The following PDCD10 variants were observed in gnomAD, a reference collection of about 807,000 sequenced individuals.
The protein encoded by PDCD10 is programmed cell death protein 10.
Under a neutral mutation model 29.2 loss-of-function variants are expected in PDCD10, and 4 were observed. That is an observed-to-expected ratio of 0.14 (90% CI 0.07 to 0.31). PDCD10 has a LOEUF of 0.31. PDCD10 is among the 10% of genes least tolerant of loss of function. The pLI is 1.00. For missense variants in PDCD10, 183 were observed against 257.9 expected, an observed-to-expected ratio of 0.71 and a Z score of 1.99; for synonymous variants, 70 against 82.2, an observed-to-expected ratio of 0.85 and a Z score of 0.80.
At chr3:167,725,767 A>ATT (rs1178926028) in intron 2 of PDCD10, among the ~76,000 whole-genome samples, 2 of 10,270 alleles carry the variant, frequency 1.9e-4, no homozygotes, top group Non-Finnish European at 3.7e-4. Flanking sequence ...TATCGTTTAT[A>ATT]TATATATATA....
chr3:167,732,187 T>C (rs145580246), intron 2 of PDCD10, among the ~76,000 whole-genome samples: 57 of 152,296 alleles, frequency 3.7e-4, no homozygotes, highest in African/African-American at 1.3e-3. Flanking sequence ...AGTCAGAAGA[T>C]CTCGATTTTG....
rs541184260 is a variant in PDCD10, at chr3:167,733,222, A to G, written c.-117+992T>C. Among the ~76,000 whole-genome samples, 17 of 152,354 alleles carry G rather than the reference A, an allele frequency of 1.1e-4. 1 individual carries two copies. In the East Asian group the frequency reaches 3.1e-3, roughly 28 times the overall value. ...AAGCTATGATTTATTACATGTTAAG[A>G]GTAAGCCATGATTTATTACATGCTA... On this transcript the variant is annotated intron_variant, in intron 2 of 8. Transcript: ENST00000392750.
intron 8 of PDCD10, among the ~76,000 whole-genome samples, chr3:167,686,537 T>A (rs1719644461): frequency 6.6e-6 from 1 of 152,194 alleles, no homozygotes; most frequent in African/African-American, 2.4e-5. Context: ...GTGACTCTAA[T>A]GCACAGAAAG....
chr3:167,713,653 C>A (rs1294406917), intron 3 of PDCD10, among the ~76,000 whole-genome samples: 2 of 151,560 alleles, frequency 1.3e-5, no homozygotes, highest in Admixed American at 6.6e-5. Context: ...AAAATTGACA[C>A]AACTTTAAAC....
At chr3:167,685,970 ACT>A (rs895584249) in intron 8 of PDCD10, among the ~76,000 whole-genome samples, 43 of 152,204 alleles carry the variant, frequency 2.8e-4, no homozygotes, top group African/African-American at 8.9e-4. Context: ...GTTAAAAATG[ACT>A]CTGAAAATTA....
chr3:167,695,558 T>C (rs1489774222), intron 6 of PDCD10, 38 bp downstream of exon 6: 2 of 1,599,492 alleles, frequency 1.3e-6, no homozygotes, highest in Middle Eastern at 1.7e-4. Context: ...TCGGAAGTAC[T>C]TTTAAGAAAA....
At chr3:167,717,578 T>A (rs1220945912) in intron 3 of PDCD10, among the ~76,000 whole-genome samples, 1 of 151,948 alleles carries the variant, frequency 6.6e-6, no homozygotes, top group Non-Finnish European at 1.5e-5. Flanking sequence ...TGATTAGGTA[T>A]CTTATTTATA....
chr3:167,726,029 C>T (rs1205571755), intron 2 of PDCD10, among the ~76,000 whole-genome samples: 1 of 150,312 alleles, frequency 6.7e-6, no homozygotes, highest in East Asian at 2.0e-4. Context: ...GGATCTTCAA[C>T]TTGGTGCTGC....
Position 167,704,867 on chromosome 3 carries a change from T to A in PDCD10, c.125A>T (p.Gln42Leu), listed in dbSNP as rs1169318858. 6.2e-7 allele frequency: 1 copy of A among 1,608,532 alleles called. No individual in the cohort carries two copies. The highest frequency in any genetic ancestry group is 8.5e-7 in the Non-Finnish European group (1 of 1,175,272). ...CTTGATGAAAGCGGCTCTCAGTGTC[T>A]GGGCTGCAGACAGATTTACTCGTTC... The part of the protein sequence containing the change: ...ELERVNLSAA[Q>L]TLRAAFIKAE... Residue 42 changes from glutamine (Q) to leucine (L), a missense_variant, in exon 4 of 9, where the codon CAG becomes CTG. By Grantham distance (113) the Gln-to-Leu change is moderately radical. Coordinates refer to ENST00000392750, the MANE Select transcript of PDCD10 (RefSeq NM_007217.4).
At chr3:167,711,420 C>T (rs1334026227) in intron 3 of PDCD10, among the ~76,000 whole-genome samples, 1 of 152,108 alleles carries the variant, frequency 6.6e-6, no homozygotes, top group African/African-American at 2.4e-5. Context: ...TAGCAGAATG[C>T]ATCAAGTGAA....
chr3:167,713,299 A>T (rs1294926586), intron 3 of PDCD10, among the ~76,000 whole-genome samples: 1 of 152,116 alleles, frequency 6.6e-6, no homozygotes, highest in Non-Finnish European at 1.5e-5. Context: ...AAACTATACA[A>T]ACACAAGGAA....
rs1719274060 is a variant in PDCD10 at position 167,683,532 on chromosome 3, T to G, written c.*776A>C. The G allele has an allele frequency of 6.6e-6, 1 of 151,912 alleles. No individual in the cohort carries two copies. The highest frequency in any genetic ancestry group is 1.5e-5 in the Non-Finnish European group (1 of 67,896). The allele number at this position is 151,912 out of a possible 1,614,324, so 9.4% of individuals were successfully genotyped here. A position where few individuals can be genotyped will look rare whatever the true frequency, so the allele number is the denominator to read the frequency against. On this transcript the variant is annotated 3_prime_UTR_variant, in exon 9 of 9. Transcript: ENST00000392750. ...TTGTGCAAAGCTTATGAGGGCCCAG[T>G]ATACGAAAGGCTTAATTTTTAAGAG...
Position 167,694,766 on chromosome 3 carries a change from C to T in PDCD10, c.395+830G>A, listed in dbSNP as rs550637550. On this transcript the variant is annotated intron_variant, in intron 6 of 8. Transcript: ENST00000392750. The stretch of plus-strand genomic sequence containing the variant: ...CCCAAACTCCAAAAGATGAATGTTA[C>T]TATTTATTCCAAGTGAGTCTCCTTA... The T allele has an allele frequency of 1.0e-3, 155 of 152,554 alleles. 1 individual carries two copies. Among genetic ancestry groups the T allele is most frequent in the Non-Finnish European group, 1.7e-3 (118 of 68,294 alleles). 9.5% of individuals were successfully genotyped at this position (152,554 alleles called of 1,614,324 possible).
chr3:167,689,864 A>C (rs1030350430), intron 6 of PDCD10, among the ~76,000 whole-genome samples: 1 of 152,228 alleles, frequency 6.6e-6, no homozygotes, highest in Non-Finnish European at 1.5e-5. Flanking sequence ...CTCTAGAAAC[A>C]ATCTGCAGCA....
intron 3 of PDCD10, among the ~76,000 whole-genome samples, chr3:167,719,746 G>A (rs540518421): frequency 6.6e-6 from 1 of 152,206 alleles, no homozygotes; most frequent in South Asian, 2.1e-4. Flanking sequence ...GACCCCTAGA[G>A]TAGGTCCCAC....
intron 6 of PDCD10, among the ~76,000 whole-genome samples, chr3:167,688,963 T>C (rs1185656416): frequency 1.3e-5 from 2 of 152,184 alleles, no homozygotes; most frequent in African/African-American, 4.8e-5. Flanking sequence ...AGAATTTTGA[T>C]ATTTTTTAAA....
intron 2 of PDCD10, among the ~76,000 whole-genome samples, chr3:167,729,510 T>C (rs1327949317): frequency 6.6e-6 from 1 of 152,162 alleles, no homozygotes. Flanking sequence ...CCAAGCAATT[T>C]TTCCTGCAAC....
chr3:167,704,963 A>G, intron 3 of PDCD10, 68 bp from the exon 4 acceptor site: 2 of 910,488 alleles, frequency 2.2e-6, no homozygotes, highest in South Asian at 1.4e-5. Context: ...CTGAGATTCC[A>G]TTCTGTAGCA....
At chr3:167,696,441 C>G (rs1297861277) in intron 5 of PDCD10, among the ~76,000 whole-genome samples, 6 of 152,106 alleles carry the variant, frequency 3.9e-5, no homozygotes, top group Non-Finnish European at 7.4e-5. Flanking sequence ...GTTAAAATAC[C>G]TGCTTTGTGT....
Sources: allele counts gnomAD v4.1 joint callset (sites outside exome capture counted in the v4.1 genomes callset), GRCh38; gene constraint gnomAD v4.1.1; transcripts MANE v1.5; gene names NCBI Gene and HGNC (gene_info 2026-07-23, HGNC 2026-07-21).